BICC1: variants seen among roughly 807,000 people sequenced by gnomAD.
BICC1 encodes the protein protein bicaudal C homolog 1.
A neutral mutation model predicts 111.0 loss-of-function variants in BICC1; 43 were observed. The ratio of observed to expected loss-of-function variants is 0.39; its 90% CI spans 0.30 to 0.50. The LOEUF (loss-of-function observed/expected upper bound fraction) is 0.50. Among genes scored for constraint, BICC1 ranks in the 20% least tolerant of loss-of-function variants. The pLI is 0.88. For missense variants in BICC1, 1,091 were observed against 1,203.2 expected, an observed-to-expected ratio of 0.91 and a Z score of 1.38; for synonymous variants, 467 against 434.4, an observed-to-expected ratio of 1.07 and a Z score of -0.93.
intron 1 of BICC1, 64 bp from the exon 2 acceptor site, chr10:58,620,791 C>G (rs756614519): frequency 4.1e-5 from 62 of 1,504,294 alleles, no homozygotes; most frequent in Non-Finnish European, 5.6e-5. Context: ...ATATCTGATG[C>G]TCGAAAGTTT....
In BICC1 at chr10:58,758,931, ATATTTATTTATTTATTTATT is replaced by A. The variant is rs141127868; in HGVS notation, c.308-26044_308-26025del. On this transcript the variant is annotated intron_variant, in intron 3 of 20. Coordinates refer to ENST00000373886, the MANE Select transcript of BICC1 (RefSeq NM_001080512.3). Reference sequence around the variant, plus strand: ...AAGGACAGTATCTTTGATCATTAAAATATTTATTTATTTATTTATTTATTTATTTATTTATTTATTTATTT... The same window carrying A: ...AAGGACAGTATCTTTGATCATTAAAATATTTATTTATTTATTTATTTATTT... Among the ~76,000 whole-genome samples the A allele has an allele frequency of 1.2e-3, 180 of 144,152 alleles. 1 individual carries two copies. Among genetic ancestry groups the A allele is most frequent in the African/African-American group, 3.7e-3 (145 of 39,398 alleles). The allele number at this position is 144,152 out of a possible 152,430, so 94.6% of individuals were successfully genotyped here.
At chr10:58,562,767 T>C (rs1843644662) in intron 1 of BICC1, among the ~76,000 whole-genome samples, 1 of 152,124 alleles carries the variant, frequency 6.6e-6, no homozygotes, top group Admixed American at 6.5e-5. Context: ...TTTTTTCTGT[T>C]TATGTGTCTT....
At chr10:58,802,084 G>T (rs1342859809) in intron 14 of BICC1, among the ~76,000 whole-genome samples, 1 of 151,926 alleles carries the variant, frequency 6.6e-6, no homozygotes, top group Admixed American at 6.6e-5. Context: ...ATTTACTTTC[G>T]AAAACAGGTC....
intron 2 of BICC1, among the ~76,000 whole-genome samples, chr10:58,639,170 A>G (rs1838042996): frequency 6.6e-6 from 1 of 152,146 alleles, no homozygotes; most frequent in South Asian, 2.1e-4. Flanking sequence ...AGATCTCTGA[A>G]TTATTCCTCC....
intron 1 of BICC1, among the ~76,000 whole-genome samples, chr10:58,619,083 G>T (rs1462005672): frequency 6.6e-6 from 1 of 152,082 alleles, no homozygotes; most frequent in Non-Finnish European, 1.5e-5. Flanking sequence ...TTAAGGACAC[G>T]ATTACATTGG....
intron 3 of BICC1, among the ~76,000 whole-genome samples, chr10:58,705,140 G>A (rs1840352427): frequency 6.6e-6 from 1 of 152,200 alleles, no homozygotes; most frequent in South Asian, 2.1e-4. Flanking sequence ...CTCTAAAGAT[G>A]TTGGCTTAGT....
intron 1 of BICC1, among the ~76,000 whole-genome samples, chr10:58,593,036 G>A (rs1034697104): frequency 2.0e-5 from 3 of 152,100 alleles, no homozygotes; most frequent in African/African-American, 7.2e-5. Context: ...GGACGTTCGA[G>A]CTTGGTGTGG....
chr10:58,676,683 C>G (rs763055435), intron 2 of BICC1, among the ~76,000 whole-genome samples: 1 of 152,188 alleles, frequency 6.6e-6, no homozygotes, highest in African/African-American at 2.4e-5. Flanking sequence ...CCCAGCACAG[C>G]GTTCAAGCTC....
intron 1 of BICC1, among the ~76,000 whole-genome samples, chr10:58,565,152 A>AT (rs1171629710): frequency 6.6e-6 from 1 of 152,172 alleles, no homozygotes; most frequent in African/African-American, 2.4e-5. Context: ...ATAGAGATGC[A>AT]TTTCATATTT....
At chr10:58,767,126 C>A (rs1842479253) in intron 3 of BICC1, among the ~76,000 whole-genome samples, 1 of 152,140 alleles carries the variant, frequency 6.6e-6, no homozygotes. Context: ...TCCTCCCCTA[C>A]CCCTCCTGTG....
At chr10:58,641,386 T>C (rs1033555805) in intron 2 of BICC1, among the ~76,000 whole-genome samples, 7 of 152,334 alleles carry the variant, frequency 4.6e-5, no homozygotes, top group South Asian at 2.1e-4. Flanking sequence ...CTAGGACTTA[T>C]TGCAGATTCA....
intron 1 of BICC1, among the ~76,000 whole-genome samples, chr10:58,589,082 G>A (rs530805021): frequency 4.6e-5 from 7 of 152,296 alleles, no homozygotes; most frequent in African/African-American, 1.7e-4. Context: ...CGGTGACACC[G>A]GTGACGGTGA....
chr10:58,541,005 C>T (rs1042026346), intron 1 of BICC1, among the ~76,000 whole-genome samples: 2 of 151,934 alleles, frequency 1.3e-5, no homozygotes, highest in Non-Finnish European at 2.9e-5. Flanking sequence ...AGTCATACAC[C>T]CTTTCATGAC....
chr10:58,776,129 T>C (rs1842742933), intron 3 of BICC1, among the ~76,000 whole-genome samples: 1 of 152,224 alleles, frequency 6.6e-6, no homozygotes, highest in African/African-American at 2.4e-5. Flanking sequence ...GGTTTTCCGG[T>C]TTCTAAATTC....
chr10:58,525,150 G>T (rs1435655316), intron 1 of BICC1, among the ~76,000 whole-genome samples: 1 of 139,422 alleles, frequency 7.2e-6, no homozygotes, highest in Non-Finnish European at 1.6e-5. Flanking sequence ...GGAAGTCAGT[G>T]TGGCAATTCC....
At chr10:58,716,167 G>A (rs1431504858) in intron 3 of BICC1, 3 of 1,501,928 alleles carry the variant, frequency 2.0e-6, no homozygotes, top group Non-Finnish European at 2.7e-6. Context: ...GGAGGTGCGA[G>A]CAAAAAAGAA....
chr10:58,539,447 G>A (rs1171728482), intron 1 of BICC1, among the ~76,000 whole-genome samples: 2 of 151,540 alleles, frequency 1.3e-5, no homozygotes, highest in East Asian at 3.9e-4. Flanking sequence ...TAGTGTTCAG[G>A]TGGTGGGTGC....
intron 2 of BICC1, among the ~76,000 whole-genome samples, chr10:58,674,598 G>C (rs1018384735): frequency 6.6e-6 from 1 of 152,234 alleles, no homozygotes; most frequent in South Asian, 2.1e-4. Flanking sequence ...GATTCTACCT[G>C]AGGGCCGCTT....
At chr10:58,663,593 C>T (rs774617554) in intron 2 of BICC1, among the ~76,000 whole-genome samples, 9 of 152,136 alleles carry the variant, frequency 5.9e-5, no homozygotes, top group East Asian at 3.9e-4. Flanking sequence ...GTCAGATCAG[C>T]GGCAGCATTA....
Sources: allele counts gnomAD v4.1 joint callset (sites outside exome capture counted in the v4.1 genomes callset), GRCh38; gene constraint gnomAD v4.1.1; transcripts MANE v1.5; gene names NCBI Gene and HGNC (gene_info 2026-07-23, HGNC 2026-07-21).